FASN: variants seen among roughly 807,000 people sequenced by gnomAD.
The protein encoded by FASN is fatty acid synthase.
A neutral mutation model predicts 250.0 loss-of-function variants in FASN; 50 were observed. The observed-to-expected ratio is 0.20, with a 90% CI of 0.16 to 0.25. The LOEUF (loss-of-function observed/expected upper bound fraction) is 0.25, where lower values mean the gene tolerates loss of function less well. FASN is among the 10% of genes least tolerant of loss of function. The pLI, the probability that FASN is intolerant of heterozygous loss-of-function variation, is 1.00. For missense variants in FASN, 3,031 were observed against 3,498.5 expected (o/e 0.87, Z 3.37); for synonymous variants, 1,909 against 1,584.0 (o/e 1.21, Z -4.87).
Position 82,085,082 on chromosome 17 carries a change from C to T in FASN, c.4362G>A (p.Val1454=). 1 of 1,612,558 alleles carries T rather than the reference C, an allele frequency of 6.2e-7. No individual in the cohort carries two copies. The highest frequency in any genetic ancestry group is 8.5e-7 in the Non-Finnish European group (1 of 1,179,848). Reference sequence around the variant, plus strand: ...CTCGGCGGAGACAGTTCACCAAGCCCACCACGCCCGAGGTGGCACAGTTGA... The same window carrying T: ...CTCGGCGGAGACAGTTCACCAAGCCTACCACGCCCGAGGTGGCACAGTTGA... ...KAINCATSGV[V]GLVNCLRREP... The change falls in exon 25 of 43, where the codon GTG becomes GTA. Residue 1454 remains valine, a synonymous_variant. Coordinates refer to ENST00000306749, the MANE Select transcript of FASN (RefSeq NM_004104.5).
Position 82,086,389 on chromosome 17 carries a change from C to A in FASN, c.3597G>T (p.Ala1199=), listed in dbSNP as rs553898537. Residue 1199 remains alanine (A), a synonymous_variant, in exon 22 of 43, where the codon GCG becomes GCT. Coordinates refer to ENST00000306749, the MANE Select transcript of FASN (RefSeq NM_004104.5). ...QLNGNLQLEL[A]QVLAQERPKL... is the part of the protein sequence containing the mutation. Reference sequence around the variant, plus strand: ...TGGGCCTCTCCTGGGCCAGCACCTGCGCCAGCTCCAGCTGCAGGTTCCCGT... The same window carrying A: ...TGGGCCTCTCCTGGGCCAGCACCTGAGCCAGCTCCAGCTGCAGGTTCCCGT... 1.2e-6 allele frequency: 2 copies of A among 1,610,006 alleles called. No individual in the cohort carries two copies. The highest frequency in any genetic ancestry group is 4.5e-5 in the East Asian group (2 of 44,868).
chr17:82,092,678 C>CG lies in FASN; in HGVS notation c.894+18dup, dbSNP rs10591316. On this transcript the variant is annotated intron_variant, in intron 7 of 42. Coordinates refer to ENST00000306749, the MANE Select transcript of FASN (RefSeq NM_004104.5). ...TAGGCTCATGGGGTGGTGAGTGGGG[C>CG]GGGGGGGGGGGGCATCACCTTGGTG... The CG allele has an allele frequency of 8.5e-6, 11 of 1,288,810 alleles. No homozygotes were observed. The African/African-American group carries it at 1.7e-4, about 19-fold the overall frequency. The allele number at this position is 1,288,810 out of a possible 1,614,324, so 79.8% of individuals were successfully genotyped here. A position where few individuals can be genotyped will look rare whatever the true frequency, so the allele number is the denominator to read the frequency against.
rs372146431 is a variant in FASN, at chr17:82,086,565, A to G, written c.3428-7T>C. ...TGCAGTGCCTGCACCAGCCCTGGGG[A>G]GGGAGGGAGGCAGGCCTGGTGTTCC... On this transcript the variant is annotated splice_polypyrimidine_tract_variant and splice_region_variant and intron_variant, in intron 21 of 42. Transcript: ENST00000306749. The G allele has an allele frequency of 1.9e-6, 3 of 1,602,004 alleles. No individual in the cohort carries two copies. Among genetic ancestry groups the G allele is most frequent in the Admixed American group, 3.3e-5 (2 of 59,964 alleles).
Position 82,084,651 on chromosome 17 carries a change from T to C in FASN, c.4630A>G (p.Ile1544Val), listed in dbSNP as rs1056753771. The change falls in exon 27 of 43, where the codon ATC (isoleucine) becomes GTC (valine). Residue 1544 changes from isoleucine (I) to valine (V), a missense_variant. By Grantham distance (29) the Ile-to-Val change is conservative. Transcript: ENST00000306749. The stretch of plus-strand genomic sequence containing the variant: ...CGCAGCGAGGAGCAGACCCAGCGGA[T>C]GGAGGACAGGTCCCCCCGGGTGAGG... ...STLTRGDLSS[I>V]RWVCSSLRHA... 6.3e-7 allele frequency: 1 copy of C among 1,596,566 alleles called. No individual in the cohort carries two copies. The highest frequency in any genetic ancestry group is 2.3e-5 in the East Asian group (1 of 44,204).
chr17:82,087,586 C>G (rs1402218471), intron 19 of FASN, 82 bp from the exon 20 acceptor site: 1 of 1,600,788 alleles, frequency 6.2e-7, no homozygotes, highest in Non-Finnish European at 8.5e-7. Context: ...CCCTCTGCTC[C>G]CTCCCAAGCT....
chr17:82,096,459 G>C lies in FASN; in HGVS notation c.-7-7C>G, dbSNP rs781418004. The C allele has an allele frequency of 1.2e-6, 2 of 1,610,300 alleles. No homozygotes were observed. The highest frequency in any genetic ancestry group is 1.7e-6 in the Non-Finnish European group (2 of 1,179,916). On this transcript the variant is annotated splice_polypyrimidine_tract_variant and splice_region_variant and intron_variant, in intron 1 of 42. Transcript: ENST00000306749. ...CACCTCCTCCATGGCTGCTCTGCAG[G>C]GCGGGCGGTGTGAGTGCCCCACACA...
At chr17:82,092,336 T>C in intron 8 of FASN, 119 bp downstream of exon 8, 1 of 1,086,506 alleles carries the variant, frequency 9.2e-7, no homozygotes, top group Non-Finnish European at 1.3e-6. Flanking sequence ...GGACAGAGGC[T>C]CCTGGTGGGG....
At position 82,087,701 on chromosome 17, in the gene FASN, C is replaced by T. The variant is rs151222179; in HGVS notation, c.3027G>A (p.Leu1009=). Residue 1009 remains leucine, a synonymous_variant, in exon 19 of 43, where the codon CTG becomes CTA. Coordinates refer to ENST00000306749, the MANE Select transcript of FASN (RefSeq NM_004104.5). ...YDYGPHFQGI[L]EASLEGDSGR... ...AGTACCCACCTTCCAGGCTGGCCTCCAGGATGCCCTGGAAATGAGGGCCGT... is the reference window on the plus strand; with the variant it reads ...AGTACCCACCTTCCAGGCTGGCCTCTAGGATGCCCTGGAAATGAGGGCCGT... 13 of 1,611,934 alleles carry T rather than the reference C, an allele frequency of 8.1e-6. No individual in the cohort carries two copies. In the East Asian group the frequency reaches 1.8e-4, roughly 22 times the overall value.
In FASN at chr17:82,090,894, C is replaced by T. The variant is rs754035172; in HGVS notation, c.1668G>A (p.Leu556=). The part of the protein sequence containing the change: ...FDDIVHSFVS[L]TAIQIGLIDL... ...GGCTGGGCCCTACCTGGATGGCAGT[C>T]AGGCTCACAAACGAATGGACGATGT... Residue 556 remains leucine, a synonymous_variant, in exon 10 of 43, where the codon CTG becomes CTA. Transcript: ENST00000306749. 2 of 1,592,450 alleles carry T rather than the reference C, an allele frequency of 1.3e-6. No individual in the cohort carries two copies. The highest frequency in any genetic ancestry group is 2.3e-5 in the South Asian group (2 of 88,328).
rs772533829 is a variant in FASN at position 82,087,720 on chromosome 17, G to A, written c.3008C>T (p.Pro1003Leu). ...ELRLRGYDYG[P>L]HFQGILEASL... ...GGCCTCCAGGATGCCCTGGAAATGA[G>A]GGCCGTAGTCGTAGCCACGCAGACG... The change falls in exon 19 of 43, where the codon CCT (proline) becomes CTT (leucine). Residue 1003 changes from proline to leucine, a missense_variant. By Grantham distance (98) the Pro-to-Leu change is moderately conservative. Transcript: ENST00000306749. The A allele has an allele frequency of 6.2e-7, 1 of 1,612,272 alleles. No individual in the cohort carries two copies. The highest frequency in any genetic ancestry group is 1.3e-5 in the African/African-American group (1 of 75,052).
chr17:82,094,516 C>A (rs1374037078), intron 3 of FASN, among the ~76,000 whole-genome samples: 1 of 151,992 alleles, frequency 6.6e-6, no homozygotes, highest in South Asian at 2.1e-4. Context: ...CATGGCTGGG[C>A]GTGGTGGCTC....
At chr17:82,096,694 T>C in intron 1 of FASN, 2 of 569,766 alleles carry the variant, frequency 3.5e-6, no homozygotes, top group Non-Finnish European at 6.3e-6. Context: ...CCCATTCAGT[T>C]CAGGGTATTG....
In FASN at chr17:82,096,515, C is replaced by T. The variant is rs553033317; in HGVS notation, c.-7-63G>A. ...GCCACGACACCCCCGTCAACAGCCT[C>T]GGCACCCAGAACAGGTGGACACCCA... On this transcript the variant is annotated intron_variant, in intron 1 of 42. Transcript: ENST00000306749. 1,052 of 1,599,782 alleles carry T rather than the reference C, an allele frequency of 6.6e-4. 14 individuals are homozygous for T. The South Asian group carries it at 9.0e-3, about 14-fold the overall frequency.
chr17:82,092,135 G>A (rs916417000), intron 8 of FASN, among the ~76,000 whole-genome samples: 2 of 152,026 alleles, frequency 1.3e-5, no homozygotes, highest in African/African-American at 2.4e-5. Context: ...AGACCCTGAT[G>A]GTGCCGTGGA....
rs1388169143 is a variant in FASN at position 82,078,884 on chromosome 17, C to T, written c.*259G>A. Reference sequence around the variant, plus strand: ...CGGGCGCACGAGGCCCAGCCCAGTTCCTGCGGGCACGGGCACCACCGGCTC... The same window carrying T: ...CGGGCGCACGAGGCCCAGCCCAGTTTCTGCGGGCACGGGCACCACCGGCTC... On this transcript the variant is annotated 3_prime_UTR_variant, in exon 43 of 43. Transcript: ENST00000306749. This position sits in a 1 kb window ranked among gnomAD's most constrained non-coding sequence, Gnocchi z 5.4. The T allele has an allele frequency of 3.5e-6, 2 of 578,568 alleles. No individual in the cohort carries two copies. Among genetic ancestry groups the T allele is most frequent in the African/African-American group, 3.9e-5 (2 of 51,114 alleles). The allele number at this position is 578,568 out of a possible 1,614,324, so 35.8% of individuals were successfully genotyped here. A position where few individuals can be genotyped will look rare whatever the true frequency, so the allele number is the denominator to read the frequency against.
In FASN at chr17:82,084,903, T is replaced by C. The variant is rs1458526812; in HGVS notation, c.4460A>G (p.Asp1487Gly). Residue 1487 changes from aspartate to glycine, a missense_variant, in exon 26 of 43, where the codon GAC becomes GGC. Transcript: ENST00000306749. Reference sequence around the variant, plus strand: ...CTTCTGCAGTTCTGCGGAGCCCGGGTCCACCTCCGGGACGTGGGAGGTGCT... The same window carrying C: ...CTTCTGCAGTTCTGCGGAGCCCGGGCCCACCTCCGGGACGTGGGAGGTGCT... ...LSSTSHVPEV[D>G]PGSAELQKVL... 6.4e-7 allele frequency: 1 copy of C among 1,551,612 alleles called. No homozygotes were observed. The highest frequency in any genetic ancestry group is 8.7e-7 in the Non-Finnish European group (1 of 1,147,630).
At chr17:82,080,614 C>T (rs1239285311) in intron 39 of FASN, 24 bp from the exon 40 acceptor site, 38 of 1,551,920 alleles carry the variant, frequency 2.4e-5, no homozygotes, top group Non-Finnish European at 3.3e-5. Context: ...GCCGGGCACT[C>T]AGCATGTGCA....
At position 82,087,838 on chromosome 17, in the gene FASN, G is replaced by A. The variant is rs201124833; in HGVS notation, c.2890C>T (p.Pro964Ser). The A allele has an allele frequency of 6.2e-6, 10 of 1,612,664 alleles. No individual in the cohort carries two copies. Among genetic ancestry groups the A allele is most frequent in the East Asian group, 2.2e-5 (1 of 44,874 alleles). ...GGGTGGTCGAAGAGCCTGGGGTCAGGGTCATCCCACTGGTACACCTTCCCT... is the reference window on the plus strand; with the variant it reads ...GGGTGGTCGAAGAGCCTGGGGTCAGAGTCATCCCACTGGTACACCTTCCCT... The part of the protein sequence containing the change: ...VSGKVYQWDD[P>S]DPRLFDHPES... Residue 964 changes from proline (P) to serine (S), a missense_variant, in exon 19 of 43, where the codon CCT becomes TCT. Coordinates refer to ENST00000306749, the MANE Select transcript of FASN (RefSeq NM_004104.5).
rs762334391 is a variant in FASN, at chr17:82,087,234, G to A, written c.3243C>T (p.Ser1081=). The A allele has an allele frequency of 6.2e-7, 1 of 1,607,320 alleles. No individual in the cohort carries two copies. The highest frequency in any genetic ancestry group is 8.5e-7 in the Non-Finnish European group (1 of 1,178,144). Residue 1081 remains serine, a synonymous_variant, in exon 21 of 43, where the codon AGC becomes AGT. Coordinates refer to ENST00000306749, the MANE Select transcript of FASN (RefSeq NM_004104.5). ...DKAQVADVVV[S]RWLRVTVAGG... ...CGGCCACTGTGACCCTCAGCCACCT[G>A]CTCACCACCACGTCAGCCACTGTGG...
Sources: allele counts gnomAD v4.1 joint callset (sites outside exome capture counted in the v4.1 genomes callset), GRCh38; gene constraint gnomAD v4.1.1; non-coding constraint Gnocchi (gnomAD v3.1); transcripts MANE v1.5; gene names NCBI Gene and HGNC (gene_info 2026-07-23, HGNC 2026-07-21).